ITGA10: variants seen among roughly 807,000 people sequenced by gnomAD.
ITGA10 encodes integrin subunit alpha 10, also known as integrin alpha-10.
In ITGA10, 105 loss-of-function variants were observed where a neutral mutation model predicts 145.2. The ratio of observed to expected loss-of-function variants is 0.72; its 90% CI spans 0.62 to 0.85. The LOEUF (loss-of-function observed/expected upper bound fraction) is 0.85, where lower values mean the gene tolerates loss of function less well. Ranked by LOEUF, ITGA10 falls within the 40% of genes least tolerant of loss-of-function variation. ITGA10 has a pLI of 0.00. For synonymous variants in ITGA10, 506 were observed against 557.8 expected (o/e 0.91, Z 1.31); for missense variants, 1,317 against 1,444.5 (o/e 0.91, Z 1.43).
At position 145,907,160 on chromosome 1, in the gene ITGA10, G is replaced by C. The variant is rs782454840; in HGVS notation, c.165-10C>G. 7.2e-5 allele frequency: 112 copies of C among 1,558,636 alleles called. No individual in the cohort carries two copies. Among genetic ancestry groups the C allele is most frequent in the Non-Finnish European group, 9.5e-5 (109 of 1,150,464 alleles). On this transcript the variant is annotated splice_polypyrimidine_tract_variant and intron_variant, in intron 2 of 29. Transcript: ENST00000369304. The stretch of plus-strand genomic sequence containing the variant: ...GGCGCCCACCAGCATCCTGGGAAGA[G>C]GATGTGAATGTAAGTAAGCACAGGG...
chr1:145,906,315 A>G (rs985609300), intron 5 of ITGA10, 79 bp downstream of exon 5: 58 of 1,057,312 alleles, frequency 5.5e-5, no homozygotes, highest in Non-Finnish European at 8.0e-5. Flanking sequence ...TTTGCCAGGC[A>G]TCATACCGCT....
chr1:145,893,111 C>T, intron 29 of ITGA10, 50 bp downstream of exon 29: 1 of 1,377,228 alleles, frequency 7.3e-7, no homozygotes, highest in South Asian at 1.2e-5. Flanking sequence ...TCAAGGATCC[C>T]TCAACTCATG....
rs782387856 is a variant in ITGA10 at position 145,904,149 on chromosome 1, C to T, written c.661G>A (p.Asp221Asn). Residue 221 changes from aspartate to asparagine, a missense_variant, in exon 7 of 30, where the codon GAT becomes AAT. Physicochemically the swap from Asp to Asn is conservative, Grantham distance 23. Transcript: ENST00000369304. ...ACCACTTCTTCCTTCGTTCGGAAAT[C>T]TCCCAGGGACCACTCATGTACAGGG... ...ESPVHEWSLG[D>N]FRTKEEVVRA... is the part of the protein sequence containing the mutation. The T allele has an allele frequency of 6.2e-7, 1 of 1,614,174 alleles. No homozygotes were observed. The highest frequency in any genetic ancestry group is 2.2e-5 in the East Asian group (1 of 44,888).
intron 1 of ITGA10, 99 bp downstream of exon 1, chr1:145,909,864 A>G (rs2101849360): frequency 9.4e-7 from 1 of 1,060,038 alleles, no homozygotes; most frequent in Non-Finnish European, 1.5e-6. Flanking sequence ...TTCGCTTCCT[A>G]ACCTAAATCC....
At chr1:145,898,343 A>C in intron 17 of ITGA10, 120 bp from the exon 18 acceptor site, 1 of 447,372 alleles carries the variant, frequency 2.2e-6, no homozygotes, top group Non-Finnish European at 4.0e-6. Context: ...TGTATTACTA[A>C]ATTTAATTAA....
In ITGA10 at chr1:145,897,335, T is replaced by C. The variant is rs1553745575; in HGVS notation, c.2579A>G (p.Glu860Gly). The change falls in exon 21 of 30, where the codon GAG (glutamate) becomes GGG (glycine). Residue 860 changes from glutamate to glycine, a missense_variant. Glu to Gly is a moderately conservative substitution (Grantham distance 98). Transcript: ENST00000369304. ...GGCACATTCCACCTTTATTGGGCTC[T>C]CTCTCTGAGGGCAGGGGAATGGAGA... ...LHLASLTPQR[E>G]SPIKVECAAP... 1 of 1,613,966 alleles carries C rather than the reference T, an allele frequency of 6.2e-7. No homozygotes were observed. Among genetic ancestry groups the C allele is most frequent in the Non-Finnish European group, 8.5e-7 (1 of 1,179,962 alleles).
At chr1:145,907,227 A>T (rs984201837) in intron 2 of ITGA10, 77 bp from the exon 3 acceptor site, 1 of 1,576,870 alleles carries the variant, frequency 6.3e-7, no homozygotes, top group African/African-American at 1.3e-5. Flanking sequence ...AAGAGCATGG[A>T]GGTGGTAAGT....
At position 145,907,089 on chromosome 1, in the gene ITGA10, A is replaced by T. The variant is rs764672657; in HGVS notation, c.226T>A (p.Cys76Ser). 2.6e-6 allele frequency: 4 copies of T among 1,564,724 alleles called. No individual in the cohort carries two copies. The Admixed American group carries it at 7.6e-5, about 30-fold the overall frequency. The change falls in exon 3 of 30, where the codon TGC becomes AGC. Residue 76 changes from cysteine to serine, a missense_variant. Cys to Ser is a moderately radical substitution (Grantham distance 112). Coordinates refer to ENST00000369304, the MANE Select transcript of ITGA10 (RefSeq NM_003637.5). ...GCATTGTGGGCCCCCCCTACAGGGC[A>T]GCGATAAACGTCCCCCCTCCGGTCG... ...SGDRRGDVYR[C>S]PVGGAHNAPC...
rs782331744 is a variant in ITGA10, at chr1:145,898,283, T to C, written c.2233-60A>G. ...AAGGATCTTGTGATAATTGTAGTGA[T>C]CATTTATGAAGCATTTTCTGTGTGC... On this transcript the variant is annotated intron_variant, in intron 17 of 29. Coordinates refer to ENST00000369304, the MANE Select transcript of ITGA10 (RefSeq NM_003637.5). 4 of 1,079,746 alleles carry C rather than the reference T, an allele frequency of 3.7e-6. No individual in the cohort carries two copies. In the African/African-American group the frequency reaches 4.7e-5, roughly 13 times the overall value. The allele number at this position is 1,079,746 out of a possible 1,614,324, so 66.9% of individuals were successfully genotyped here. A position where few individuals can be genotyped will look rare whatever the true frequency, so the allele number is the denominator to read the frequency against.
At chr1:145,909,505 TTATATATTATA>T (rs1203155880) in intron 1 of ITGA10, among the ~76,000 whole-genome samples, 2 of 135,364 alleles carry the variant, frequency 1.5e-5, no homozygotes, top group Admixed American at 1.6e-4. Context: ...TATAATTATG[TTATATATTATA>T]TGTATATTAT....
intron 16 of ITGA10, 47 bp downstream of exon 16, chr1:145,899,128 G>C (rs587702393): frequency 3.7e-6 from 6 of 1,614,112 alleles, no homozygotes; most frequent in Non-Finnish European, 4.2e-6. Context: ...AGTGAGGAAG[G>C]CATGCAAGGA....
At position 145,896,763 on chromosome 1, in the gene ITGA10, G is replaced by A. The variant is rs1553745234; in HGVS notation, c.2834+6C>T. On this transcript the variant is annotated splice_donor_region_variant and intron_variant, in intron 23 of 29. Coordinates refer to ENST00000369304, the MANE Select transcript of ITGA10 (RefSeq NM_003637.5). Reference sequence around the variant, plus strand: ...AACTGGGTCCCACCCTAGAAGCTGGGCATACCTAGAGAACAGGAGGTGGGG... The same window carrying A: ...AACTGGGTCCCACCCTAGAAGCTGGACATACCTAGAGAACAGGAGGTGGGG... 26 of 1,609,132 alleles carry A rather than the reference G, an allele frequency of 1.6e-5. No homozygotes were observed. The highest frequency in any genetic ancestry group is 2.1e-5 in the Non-Finnish European group (25 of 1,175,476).
At chr1:145,893,057 G>T in intron 29 of ITGA10, 104 bp downstream of exon 29, 1 of 977,552 alleles carries the variant, frequency 1.0e-6, no homozygotes, top group Non-Finnish European at 1.6e-6. Flanking sequence ...GACATCCACA[G>T]CCTGGTTAGC....
chr1:145,897,566 C>G lies in ITGA10; in HGVS notation c.2520G>C (p.Thr840=), dbSNP rs781899878. ...LENRKENAYN[T]SLSLIFSRNL... is the part of the protein sequence containing the mutation. ...TTCTAGAGAAGATGAGACTCAGGCTCGTATTGTAAGCATTTTCCTTTCTGT... is the reference window on the plus strand; with the variant it reads ...TTCTAGAGAAGATGAGACTCAGGCTGGTATTGTAAGCATTTTCCTTTCTGT... The change falls in exon 20 of 30, where the codon ACG becomes ACC. Residue 840 remains threonine (T), a synonymous_variant. Coordinates refer to ENST00000369304, the MANE Select transcript of ITGA10 (RefSeq NM_003637.5). 4 of 1,614,000 alleles carry G rather than the reference C, an allele frequency of 2.5e-6. No homozygotes were observed. Among genetic ancestry groups the G allele is most frequent in the Non-Finnish European group, 3.4e-6 (4 of 1,180,018 alleles).
rs587676093 is a variant in ITGA10 at position 145,896,247 on chromosome 1, A to C, written c.2919+21T>G. On this transcript the variant is annotated intron_variant, in intron 24 of 29. Transcript: ENST00000369304. ...TGTTCCCCCACATTCTCCTCATGCC[A>C]AGACCCCTCCAGCTTCTCACCCTGA... The C allele has an allele frequency of 2.7e-4, 427 of 1,596,682 alleles. 4 individuals carry two copies. In the Middle Eastern group the frequency reaches 7.1e-3, roughly 27 times the overall value.
In ITGA10 at chr1:145,897,082, G is replaced by A. The variant is rs781986055; in HGVS notation, c.2673C>T (p.Thr891=). 10 of 1,613,546 alleles carry A rather than the reference G, an allele frequency of 6.2e-6. No individual in the cohort carries two copies. The highest frequency in any genetic ancestry group is 1.7e-5 in the Admixed American group (1 of 59,996). The change falls in exon 22 of 30, where the codon ACC becomes ACT. Residue 891 remains threonine, a synonymous_variant. Coordinates refer to ENST00000369304, the MANE Select transcript of ITGA10 (RefSeq NM_003637.5). ...AGCTAAACTCAAACTCTAGCAGAAAGGTCACCTAGGGGCAGGGGACACAGG... is the reference window on the plus strand; with the variant it reads ...AGCTAAACTCAAACTCTAGCAGAAAAGTCACCTAGGGGCAGGGGACACAGG... The part of the protein sequence containing the change: ...HPVFQTGAKV[T]FLLEFEFSCS...
rs1433239898 is a variant in ITGA10 at position 145,904,594 on chromosome 1, T to C, written c.609+90A>G. 3.3e-5 allele frequency: 47 copies of C among 1,423,086 alleles called. No individual in the cohort carries two copies. The Middle Eastern group carries it at 1.6e-3, about 47-fold the overall frequency. 88.2% of individuals were successfully genotyped at this position (1,423,086 alleles called of 1,614,324 possible). A position where few individuals can be genotyped will look rare whatever the true frequency, so the allele number is the denominator to read the frequency against. On this transcript the variant is annotated intron_variant, in intron 6 of 29. Coordinates refer to ENST00000369304, the MANE Select transcript of ITGA10 (RefSeq NM_003637.5). ...CTCACTGTATTGCCCAGGCTAGTCT[T>C]GAACTCCTGGCCTCAGGGGATCCTC... is the stretch of plus-strand genomic sequence containing the variant.
At chr1:145,904,348 C>T (rs935274389) in intron 6 of ITGA10, 148 bp from the exon 7 acceptor site, 13 of 761,982 alleles carry the variant, frequency 1.7e-5, no homozygotes, top group Middle Eastern at 3.3e-4. Flanking sequence ...TGTCTCTCCC[C>T]TTCCAAGCCC....
At chr1:145,898,039 TCTCC>T in intron 18 of ITGA10, 67 bp downstream of exon 18, 1 of 1,327,116 alleles carries the variant, frequency 7.5e-7, no homozygotes, top group Non-Finnish European at 1.1e-6. Context: ...TCTCATGTCT[TCTCC>T]CTCCCTCCCT....
Sources: allele counts gnomAD v4.1 joint callset (sites outside exome capture counted in the v4.1 genomes callset), GRCh38; gene constraint gnomAD v4.1.1; transcripts MANE v1.5; gene names NCBI Gene and HGNC (gene_info 2026-07-23, HGNC 2026-07-21).